The following SND1 variants were observed in gnomAD, a reference collection of about 807,000 sequenced individuals.
SND1 encodes staphylococcal nuclease and tudor domain containing 1, also known as staphylococcal nuclease domain-containing protein 1.
Under a neutral mutation model 121.7 loss-of-function variants are expected in SND1, and 38 were observed. That is an observed-to-expected ratio of 0.31 (90% CI 0.24 to 0.41). SND1 has a LOEUF of 0.41. Among genes scored for constraint, SND1 ranks in the 10% least tolerant of loss-of-function variants. The probability of loss-of-function intolerance (pLI) is 1.00; values close to 1 mark genes in which losing one functional copy is unlikely to be tolerated. For missense variants in SND1, 868 were observed against 1,184.6 expected (o/e 0.73, Z 3.92); for synonymous variants, 401 against 447.4 (o/e 0.90, Z 1.31).
intron 10 of SND1, among the ~76,000 whole-genome samples, chr7:127,796,501 G>A (rs867633455): frequency 2.6e-5 from 4 of 151,882 alleles, no homozygotes; most frequent in South Asian, 4.2e-4. Context: ...TTTTTTTCTC[G>A]TTCATAGATC....
chr7:127,828,722 C>G (rs747422583), intron 11 of SND1, among the ~76,000 whole-genome samples: 1 of 152,156 alleles, frequency 6.6e-6, no homozygotes, highest in Non-Finnish European at 1.5e-5. Context: ...TTTTGATAAT[C>G]AGGATAATAA....
chr7:127,853,985 C>T (rs530439400), intron 12 of SND1, among the ~76,000 whole-genome samples: 4 of 152,250 alleles, frequency 2.6e-5, no homozygotes, highest in Admixed American at 6.5e-5. Context: ...AGTGCTCTTA[C>T]TTCTTAGTAT....
intron 17 of SND1, among the ~76,000 whole-genome samples, chr7:128,081,100 G>A (rs567492675): frequency 2.6e-5 from 4 of 152,132 alleles, no homozygotes; most frequent in East Asian, 3.9e-4. Flanking sequence ...AGGTTCAAGC[G>A]ATTCTCCTGC....
At chr7:127,831,666 G>T (rs1339930846) in intron 11 of SND1, among the ~76,000 whole-genome samples, 1 of 152,204 alleles carries the variant, frequency 6.6e-6, no homozygotes, top group Non-Finnish European at 1.5e-5. Flanking sequence ...CTCAGTGTGG[G>T]AACTATTGTG....
intron 17 of SND1, 130 bp downstream of exon 17, chr7:128,074,820 G>C (rs1210442608): frequency 2.2e-6 from 2 of 890,696 alleles, no homozygotes; most frequent in Non-Finnish European, 3.4e-6. Flanking sequence ...GTTGGTCTCA[G>C]ACCCCACACC....
chr7:127,841,145 C>G (rs1410838572), intron 11 of SND1, among the ~76,000 whole-genome samples: 1 of 152,166 alleles, frequency 6.6e-6, no homozygotes, highest in African/African-American at 2.4e-5. Context: ...GATGAATTAG[C>G]TCTCTCTCTG....
At chr7:127,962,043 G>A (rs1801744173) in intron 15 of SND1, among the ~76,000 whole-genome samples, 3 of 152,246 alleles carry the variant, frequency 2.0e-5, no homozygotes, top group East Asian at 1.9e-4. Flanking sequence ...AGAATTTAAA[G>A]GTAGAACAGC....
intron 11 of SND1, among the ~76,000 whole-genome samples, chr7:127,815,036 C>CT (rs373670533): frequency 2.5e-4 from 38 of 151,994 alleles, no homozygotes; most frequent in African/African-American, 8.2e-4. Flanking sequence ...CCAGAATTGG[C>CT]TTTTTTTTAC....
At chr7:128,026,653 C>CAT (rs1803486351) in intron 16 of SND1, among the ~76,000 whole-genome samples, 1 of 152,206 alleles carries the variant, frequency 6.6e-6, no homozygotes. Flanking sequence ...AGCCAAACTA[C>CAT]ATTATTGCAG....
intron 3 of SND1, among the ~76,000 whole-genome samples, chr7:127,697,313 A>G (rs1057487732): frequency 2.6e-5 from 4 of 151,838 alleles, no homozygotes; most frequent in Non-Finnish European, 4.4e-5. Flanking sequence ...ACCCCAGGGG[A>G]AGATACTTTT....
At chr7:127,855,066 A>T in intron 12 of SND1, among the ~76,000 whole-genome samples, 1 of 150,932 alleles carries the variant, frequency 6.6e-6, no homozygotes, top group Non-Finnish European at 1.5e-5. Context: ...AACTTGGACC[A>T]CTCGGCATAA....
chr7:127,789,826 T>G (rs971074787), intron 10 of SND1, among the ~76,000 whole-genome samples: 6 of 152,192 alleles, frequency 3.9e-5, no homozygotes, highest in Non-Finnish European at 8.8e-5. Flanking sequence ...CAAAATTAGC[T>G]GAATAGAACT....
At chr7:128,044,238 G>A (rs553596388) in intron 16 of SND1, among the ~76,000 whole-genome samples, 1 of 152,328 alleles carries the variant, frequency 6.6e-6, no homozygotes, top group Admixed American at 6.5e-5. Context: ...CTTGTGGTTT[G>A]TGTGTTATCA....
chr7:127,835,038 TC>T (rs1798839889), intron 11 of SND1, among the ~76,000 whole-genome samples: 1 of 152,198 alleles, frequency 6.6e-6, no homozygotes, highest in African/African-American at 2.4e-5. Context: ...AATACTTTAG[TC>T]CCCACTTTTA....
chr7:127,888,076 T>C (rs1284752460), intron 13 of SND1, 64 bp downstream of exon 13: 2 of 1,078,266 alleles, frequency 1.9e-6, no homozygotes, highest in East Asian at 5.0e-5. Context: ...TTCCCAGTTT[T>C]GTGCCTATAC....
At chr7:128,068,222 CTT>C (rs1365612128) in intron 16 of SND1, among the ~76,000 whole-genome samples, 2 of 152,150 alleles carry the variant, frequency 1.3e-5, no homozygotes, top group African/African-American at 4.8e-5. Context: ...CTTCCCCACA[CTT>C]ACCACATGCA....
At chr7:127,780,034 T>G (rs1797691585) in intron 10 of SND1, among the ~76,000 whole-genome samples, 1 of 152,182 alleles carries the variant, frequency 6.6e-6, no homozygotes, top group Non-Finnish European at 1.5e-5. Flanking sequence ...CCTTTGAAGG[T>G]AGGATTCAGG....
At chr7:127,928,977 C>T (rs899973429) in intron 14 of SND1, among the ~76,000 whole-genome samples, 9 of 152,210 alleles carry the variant, frequency 5.9e-5, no homozygotes, top group Admixed American at 1.3e-4. Flanking sequence ...ACCCTTTTAA[C>T]TGAGTATTTA....
intron 22 of SND1, 122 bp from the exon 23 acceptor site, chr7:128,091,715 C>A: frequency 1.0e-6 from 1 of 964,878 alleles, no homozygotes; most frequent in Non-Finnish European, 1.7e-6. Flanking sequence ...GGAACTAAGG[C>A]TCCATTGGAC....
Sources: gnomAD v4.1 joint callset for allele counts (sites outside exome capture counted in the v4.1 genomes callset) on GRCh38, gnomAD v4.1.1 for gene constraint, MANE v1.5 for transcripts, NCBI Gene and HGNC (gene_info 2026-07-23, HGNC 2026-07-21) for gene names.